KHDC1: variants seen among roughly 807,000 people sequenced by gnomAD.
KHDC1 encodes the protein KH domain containing 1.
Under a neutral mutation model 24.7 loss-of-function variants are expected in KHDC1, and 21 were observed. The observed-to-expected ratio is 0.85, with a 90% CI of 0.60 to 1.23. KHDC1 has a LOEUF of 1.23. Ranked by LOEUF, KHDC1 falls within the 50% of genes most tolerant of loss-of-function variation. The pLI, the probability that KHDC1 is intolerant of heterozygous loss-of-function variation, is 0.00. For synonymous variants in KHDC1, 98 were observed against 111.7 expected, an observed-to-expected ratio of 0.88 and a Z score of 0.77; for missense variants, 274 against 298.5, an observed-to-expected ratio of 0.92 and a Z score of 0.61.
At chr6:73,241,584 G>T in exon 5 of KHDC1, 2 of 1,614,178 alleles carry the variant, frequency 1.2e-6, no homozygotes, top group Non-Finnish European at 1.7e-6. Context: ...TTGGTAAGGG[G>T]AAGGCTGAGG....
intron 2 of KHDC1, among the ~76,000 whole-genome samples, chr6:73,290,069 C>T (rs1030076384): frequency 2.2e-5 from 3 of 137,078 alleles, no homozygotes; most frequent in African/African-American, 5.5e-5. Flanking sequence ...CACTGCAGTC[C>T]GCAGTCCGGC....
At chr6:73,248,039 C>T (rs2150553761) in intron 2 of KHDC1, among the ~76,000 whole-genome samples, 1 of 152,130 alleles carries the variant, frequency 6.6e-6, no homozygotes, top group Non-Finnish European at 1.5e-5. Context: ...AGGCTGTTTC[C>T]CCCAGAGTGG....
intron 2 of KHDC1, among the ~76,000 whole-genome samples, chr6:73,246,243 C>G (rs1766662596): frequency 6.6e-6 from 1 of 152,150 alleles, no homozygotes. Flanking sequence ...CTTTTAATCT[C>G]TCCTTCACTG....
At chr6:73,252,655 A>T (rs1486314742) in intron 2 of KHDC1, among the ~76,000 whole-genome samples, 3 of 142,974 alleles carry the variant, frequency 2.1e-5, no homozygotes, top group Admixed American at 7.0e-5. Flanking sequence ...TTCAAAAGAT[A>T]AAAAAAAAAA....
At chr6:73,306,668 G>C (rs1184732073) in intron 1 of KHDC1, among the ~76,000 whole-genome samples, 2 of 151,854 alleles carry the variant, frequency 1.3e-5, no homozygotes, top group African/African-American at 4.8e-5. Context: ...TTGGGGTGGG[G>C]GTTGGTGCCC....
chr6:73,263,392 A>C, intron 2 of KHDC1, 196 bp from the exon 1 acceptor site: 1 of 606,536 alleles, frequency 1.6e-6, no homozygotes, highest in Non-Finnish European at 2.1e-6. Context: ...GACGACCCCC[A>C]TTGCTGAGCC....
chr6:73,261,783 G>T (rs1766984649), intron 2 of KHDC1, among the ~76,000 whole-genome samples: 1 of 151,808 alleles, frequency 6.6e-6, no homozygotes, highest in Non-Finnish European at 1.5e-5. Context: ...ATGGTGGCAG[G>T]CACCTGTAAT....
chr6:73,270,972 G>A (rs1767167602), intron 2 of KHDC1, among the ~76,000 whole-genome samples: 1 of 151,454 alleles, frequency 6.6e-6, no homozygotes, highest in Non-Finnish European at 1.5e-5. Context: ...TTACAAGCGT[G>A]AGCCACCGCG....
chr6:73,265,327 T>A (rs4706533), intron 2 of KHDC1, among the ~76,000 whole-genome samples: 1 of 151,650 alleles, frequency 6.6e-6, no homozygotes, highest in Admixed American at 6.6e-5. Flanking sequence ...GTCGGGAGTT[T>A]AAGATCAGCC....
At chr6:73,309,394 C>T (rs1308248558) in intron 1 of KHDC1, among the ~76,000 whole-genome samples, 2 of 152,210 alleles carry the variant, frequency 1.3e-5, no homozygotes, top group Non-Finnish European at 2.9e-5. Flanking sequence ...CCAGGAGGCA[C>T]ACCCAGGGTT....
intron 2 of KHDC1, among the ~76,000 whole-genome samples, chr6:73,271,066 G>A (rs1379938028): frequency 6.6e-6 from 1 of 152,114 alleles, no homozygotes; most frequent in Non-Finnish European, 1.5e-5. Context: ...TTTTCAGACT[G>A]CAAGTTGTCA....
chr6:73,277,143 T>C (rs1767313037), intron 2 of KHDC1, among the ~76,000 whole-genome samples: 1 of 152,140 alleles, frequency 6.6e-6, no homozygotes, highest in Non-Finnish European at 1.5e-5. Flanking sequence ...CATTGACAAA[T>C]TGATTCCATT....
Position 73,252,040 on chromosome 6 carries a change from CT to C in KHDC1, c.207-9511del, listed in dbSNP as rs112248383. 4.9e-3 allele frequency among the ~76,000 whole-genome samples: 648 copies of C among 132,714 alleles called. 3 individuals carry two copies. Among genetic ancestry groups the C allele is most frequent in the South Asian group, 0.038 (158 of 4,104 alleles). 87.1% of individuals were successfully genotyped at this position (132,714 alleles called of 152,430 possible). A position where few individuals can be genotyped will look rare whatever the true frequency, so the allele number is the denominator to read the frequency against. ...GCCCAGGCCTTGGCCTAAATCATAT[CT>C]TTTTTTTTTTTTTTTTTCTGAAACA... is the stretch of plus-strand genomic sequence containing the variant. On this transcript the variant is annotated intron_variant, in intron 2 of 4. Transcript: ENST00000370384.
At chr6:73,260,524 C>G (rs1320867465) in intron 2 of KHDC1, among the ~76,000 whole-genome samples, 5 of 152,018 alleles carry the variant, frequency 3.3e-5, no homozygotes, top group African/African-American at 7.3e-5. Context: ...TTTTGCATAC[C>G]TCTTTTTGAA....
At chr6:73,279,126 A>G (rs532996361) in intron 2 of KHDC1, among the ~76,000 whole-genome samples, 2 of 152,316 alleles carry the variant, frequency 1.3e-5, no homozygotes, top group Admixed American at 6.5e-5. Flanking sequence ...AACCAGGTCA[A>G]TCTGGCATGG....
intron 2 of KHDC1, among the ~76,000 whole-genome samples, chr6:73,244,188 A>G (rs1186735735): frequency 1.3e-5 from 2 of 152,240 alleles, no homozygotes; most frequent in Non-Finnish European, 2.9e-5. Flanking sequence ...ATTACGCTAG[A>G]TAAGTTTGTA....
chr6:73,274,946 C>T (rs760247566), intron 2 of KHDC1: 50 of 152,910 alleles, frequency 3.3e-4, no homozygotes, highest in Non-Finnish European at 6.3e-4. Flanking sequence ...AGCCAATTAG[C>T]GGGTGCCCCT....
At chr6:73,299,193 G>A (rs1319414905) in intron 1 of KHDC1, 1 of 152,352 alleles carries the variant, frequency 6.6e-6, no homozygotes, top group African/African-American at 2.4e-5. Flanking sequence ...GGACCAGCAC[G>A]GGGGAGGGCC....
chr6:73,282,272 T>C (rs977100843), intron 2 of KHDC1, among the ~76,000 whole-genome samples: 1 of 150,924 alleles, frequency 6.6e-6, no homozygotes, highest in Non-Finnish European at 1.5e-5. Context: ...AGTCTCATGA[T>C]TAGACTGGGA....
Sources: gnomAD v4.1 joint callset for allele counts (sites outside exome capture counted in the v4.1 genomes callset) on GRCh38, gnomAD v4.1.1 for gene constraint, MANE v1.5 for transcripts, NCBI Gene and HGNC (gene_info 2026-07-23, HGNC 2026-07-21) for gene names.